TTLL9: variants seen among roughly 807,000 people sequenced by gnomAD.
TTLL9 encodes tubulin tyrosine ligase like 9, also known as probable tubulin polyglutamylase TTLL9.
In TTLL9, 47 loss-of-function variants were observed where a neutral mutation model predicts 65.6. The ratio of observed to expected loss-of-function variants is 0.72; its 90% CI spans 0.57 to 0.91. The LOEUF (loss-of-function observed/expected upper bound fraction) is 0.91, where lower values mean the gene tolerates loss of function less well. TTLL9 is among the 40% of genes least tolerant of loss of function. The probability of loss-of-function intolerance (pLI) is 0.00; values close to 1 mark genes in which losing one functional copy is unlikely to be tolerated. For missense variants in TTLL9, 537 were observed against 568.8 expected (o/e 0.94, Z 0.57); for synonymous variants, 179 against 204.8 (o/e 0.87, Z 1.07).
At chr20:31,886,355 C>T (rs1373076043) in intron 2 of TTLL9, among the ~76,000 whole-genome samples, 1 of 152,180 alleles carries the variant, frequency 6.6e-6, no homozygotes, top group Non-Finnish European at 1.5e-5. Flanking sequence ...TTGGTCTTCC[C>T]AGGACAGAGG....
chr20:31,870,963 TC>T lies in TTLL9; in HGVS notation c.-6+16del, dbSNP rs2062917205. 36 of 713,966 alleles carry T rather than the reference TC, an allele frequency of 5.0e-5. No homozygotes were observed. The highest frequency in any genetic ancestry group is 3.4e-4 in the Admixed American group (17 of 50,252). The allele number at this position is 713,966 out of a possible 1,614,324, so 44.2% of individuals were successfully genotyped here. On this transcript the variant is annotated intron_variant, in intron 1 of 14. Coordinates refer to ENST00000535842, the MANE Select transcript of TTLL9 (RefSeq NM_001008409.5). This position sits in a 1 kb window ranked among gnomAD's most constrained non-coding sequence, Gnocchi z 6.6. Reference sequence around the variant, plus strand: ...GGAACGGGATAAGTGGGTAATTCCTTCCGATACATCCTCTCCACCCGTGCAG... The same window carrying T: ...GGAACGGGATAAGTGGGTAATTCCTTCGATACATCCTCTCCACCCGTGCAG...
At chr20:31,875,101 T>C (rs1209621981) in intron 2 of TTLL9, among the ~76,000 whole-genome samples, 2 of 152,166 alleles carry the variant, frequency 1.3e-5, no homozygotes, top group East Asian at 3.8e-4. Flanking sequence ...CACCAACACC[T>C]TTAGGAAAAT....
intron 7 of TTLL9, among the ~76,000 whole-genome samples, chr20:31,921,937 C>T (rs548359177): frequency 4.0e-5 from 6 of 151,336 alleles, no homozygotes; most frequent in South Asian, 2.1e-4. Context: ...CAAAACTGCA[C>T]GTTGTGCACA....
intron 12 of TTLL9, among the ~76,000 whole-genome samples, chr20:31,936,074 T>C (rs2064104489): frequency 6.6e-6 from 1 of 152,144 alleles, no homozygotes; most frequent in South Asian, 2.1e-4. Context: ...TAATTTGCTG[T>C]GTAGTGGAAA....
Position 31,933,770 on chromosome 20 carries a change from C to T in TTLL9, c.749-30C>T, listed in dbSNP as rs201491661. ...GGGCAGAGCTCACCCTTTTTGTTCA[C>T]GCTGACCCTTGACCACCACCCTCTC... is the stretch of plus-strand genomic sequence containing the variant. On this transcript the variant is annotated intron_variant, in intron 10 of 14. Transcript: ENST00000535842. The T allele has an allele frequency of 1.1e-4, 179 of 1,610,284 alleles. 1 individual carries two copies. The Middle Eastern group carries it at 2.2e-3, about 19-fold the overall frequency.
At position 31,908,718 on chromosome 20, in the gene TTLL9, G is replaced by T. The variant is rs188745156; in HGVS notation, c.318+16G>T. On this transcript the variant is annotated intron_variant, in intron 5 of 14. Coordinates refer to ENST00000535842, the MANE Select transcript of TTLL9 (RefSeq NM_001008409.5). The stretch of plus-strand genomic sequence containing the variant: ...CCACTATGAGGTGAGCTGGGCAGGC[G>T]GGAGGGACTGTGCCAACCAACTCAT... 1.1e-4 allele frequency: 180 copies of T among 1,600,292 alleles called. No homozygotes were observed. Among genetic ancestry groups the T allele is most frequent in the Admixed American group, 5.4e-4 (32 of 59,778 alleles).
At chr20:31,891,007 A>G (rs1463472592) in intron 3 of TTLL9, among the ~76,000 whole-genome samples, 1 of 152,226 alleles carries the variant, frequency 6.6e-6, no homozygotes, top group African/African-American at 2.4e-5. Context: ...AAAAAATATT[A>G]ACAATTACAT....
In TTLL9 at chr20:31,926,352, T is replaced by C. The variant is rs771258089; in HGVS notation, c.748+261T>C. Among the ~76,000 whole-genome samples, 168 of 152,356 alleles carry C rather than the reference T, an allele frequency of 1.1e-3. 3 individuals are homozygous for C. Among genetic ancestry groups the C allele is most frequent in the Non-Finnish European group, 3.5e-4 (24 of 68,042 alleles). ...GGCTCACTCATTCATTCAAGTACAA[T>C]GCTATTTTCACCCATCCGATTGGCA... On this transcript the variant is annotated intron_variant, in intron 10 of 14. Coordinates refer to ENST00000535842, the MANE Select transcript of TTLL9 (RefSeq NM_001008409.5).
chr20:31,878,621 AC>A (rs2063068426), intron 2 of TTLL9, among the ~76,000 whole-genome samples: 1 of 152,186 alleles, frequency 6.6e-6, no homozygotes. Flanking sequence ...TCTGATTTTG[AC>A]CATAATTTTG....
At position 31,926,032 on chromosome 20, in the gene TTLL9, ACTC is replaced by A; in HGVS notation, c.706-14_706-12del. 1 of 1,613,670 alleles carries A rather than the reference ACTC, an allele frequency of 6.2e-7. No individual in the cohort carries two copies. Among genetic ancestry groups the A allele is most frequent in the Non-Finnish European group, 8.5e-7 (1 of 1,179,872 alleles). ...CCACACTCTGGCCAGTCCCAAGTGA[ACTC>A]CTTTGTCCCACAGGTGTTTGCTGAA... On this transcript the variant is annotated splice_polypyrimidine_tract_variant and intron_variant, in intron 9 of 14. Transcript: ENST00000535842.
chr20:31,934,576 TG>T, intron 11 of TTLL9, 115 bp from the exon 12 acceptor site: 1 of 965,364 alleles, frequency 1.0e-6, no homozygotes, highest in Non-Finnish European at 1.5e-6. Flanking sequence ...GGCTCAGGGC[TG>T]GGCCCCTCTT....
intron 13 of TTLL9, 96 bp from the exon 14 acceptor site, chr20:31,939,046 T>G: frequency 7.3e-7 from 1 of 1,369,020 alleles, no homozygotes; most frequent in Non-Finnish European, 9.7e-7. Context: ...GGGACGGACA[T>G]CAGTTGGGCT....
At position 31,939,282 on chromosome 20, in the gene TTLL9, T is replaced by G; in HGVS notation, c.1243+16T>G. On this transcript the variant is annotated intron_variant, in intron 14 of 14. Coordinates refer to ENST00000535842, the MANE Select transcript of TTLL9 (RefSeq NM_001008409.5). ...ACACATCTCGGTATGTAGGGCCAGG[T>G]GGGGAGTGGGCACAAGGGATGGGGT... 1 of 1,612,688 alleles carries G rather than the reference T, an allele frequency of 6.2e-7. No homozygotes were observed. Among genetic ancestry groups the G allele is most frequent in the Non-Finnish European group, 8.5e-7 (1 of 1,179,580 alleles).
chr20:31,870,692 G>GCCC lies in TTLL9; in HGVS notation c.-261_-260insCCC. On this transcript the variant is annotated 5_prime_UTR_variant, in exon 1 of 15. Transcript: ENST00000535842. This position sits in a 1 kb window ranked among gnomAD's most constrained non-coding sequence, Gnocchi z 6.6. ...CAGTTTGTTGGGGCCGCGTGGGGCC[G>GCCC]CCACCTCCGGAGGTGGGGGCGGGGG... 4.3e-6 allele frequency: 4 copies of GCCC among 920,680 alleles called. No homozygotes were observed. Among genetic ancestry groups the GCCC allele is most frequent in the Non-Finnish European group, 5.8e-6 (4 of 690,396 alleles). 57.0% of individuals were successfully genotyped at this position (920,680 alleles called of 1,614,324 possible).
At chr20:31,907,880 C>A (rs2063582509) in intron 4 of TTLL9, among the ~76,000 whole-genome samples, 1 of 152,160 alleles carries the variant, frequency 6.6e-6, no homozygotes, top group African/African-American at 2.4e-5. Flanking sequence ...TAATTGTGAA[C>A]AATCATGATA....
chr20:31,903,848 G>A lies in TTLL9; in HGVS notation c.207-4743G>A, dbSNP rs546867221. The stretch of plus-strand genomic sequence containing the variant: ...AGGACATTAACATTGATATATTACT[G>A]TTAACTAAGCTGCAGACATCATTTG... On this transcript the variant is annotated intron_variant, in intron 4 of 14. Transcript: ENST00000535842. Among the ~76,000 whole-genome samples, 17 of 152,284 alleles carry A rather than the reference G, an allele frequency of 1.1e-4. No individual in the cohort carries two copies. In the Middle Eastern group the frequency reaches 0.01, roughly 91 times the overall value.
At chr20:31,910,255 T>C (rs2063627109) in intron 6 of TTLL9, among the ~76,000 whole-genome samples, 1 of 152,224 alleles carries the variant, frequency 6.6e-6, no homozygotes, top group Admixed American at 6.5e-5. Flanking sequence ...AACAGCCCCA[T>C]TTTAGCAATG....
intron 10 of TTLL9, among the ~76,000 whole-genome samples, chr20:31,931,954 G>A (rs926508080): frequency 6.6e-6 from 1 of 152,104 alleles, no homozygotes; most frequent in African/African-American, 2.4e-5. Context: ...AAGAAGATCT[G>A]CCTACTCAAG....
intron 3 of TTLL9, among the ~76,000 whole-genome samples, chr20:31,887,855 C>CCTATTCTCTTCTCTTCTCTT (rs1555807860): frequency 2.6e-5 from 3 of 114,926 alleles, no homozygotes; most frequent in Non-Finnish European, 5.3e-5. Flanking sequence ...TATCTCCTCT[C>CCTATTCTCTTCTCTTCTCTT]CTCTTCTCTT....
Sources: gnomAD v4.1 joint callset for allele counts (sites outside exome capture counted in the v4.1 genomes callset) on GRCh38, gnomAD v4.1.1 for gene constraint, Gnocchi (gnomAD v3.1) non-coding constraint, MANE v1.5 for transcripts, NCBI Gene and HGNC (gene_info 2026-07-23, HGNC 2026-07-21) for gene names.